Variants in MAST4 observed in about 807,000 individuals in gnomAD.
The protein encoded by MAST4 is microtubule-associated serine/threonine-protein kinase 4.
MAST4 carries 89 observed loss-of-function variants against 162.7 expected under a neutral mutation model. The ratio of observed to expected loss-of-function variants is 0.55; its 90% CI spans 0.46 to 0.65. The LOEUF is 0.65. MAST4 is among the 30% of genes least tolerant of loss of function. MAST4 has a pLI of 0.00. For missense variants in MAST4, 3,153 were observed against 3,374.0 expected, an observed-to-expected ratio of 0.93 and a Z score of 1.62; for synonymous variants, 1,479 against 1,361.1, an observed-to-expected ratio of 1.09 and a Z score of -1.91.
intron 3 of MAST4, among the ~76,000 whole-genome samples, chr5:66,873,643 G>C (rs2149880845): frequency 6.6e-6 from 1 of 152,230 alleles, no homozygotes; most frequent in Non-Finnish European, 1.5e-5. Context: ...TGTGGACTTG[G>C]GTGATCATTT....
chr5:66,923,617 G>A (rs939777869), intron 4 of MAST4, among the ~76,000 whole-genome samples: 1 of 152,074 alleles, frequency 6.6e-6, no homozygotes, highest in Non-Finnish European at 1.5e-5. Flanking sequence ...GTAACCCCCA[G>A]GTTCCATTGT....
chr5:67,006,826 G>A (rs1190386523), intron 4 of MAST4, among the ~76,000 whole-genome samples: 1 of 152,160 alleles, frequency 6.6e-6, no homozygotes. Flanking sequence ...AAGGAAACCT[G>A]AATTCTTCCC....
At chr5:67,036,287 A>C (rs959550454) in intron 4 of MAST4, among the ~76,000 whole-genome samples, 2 of 151,622 alleles carry the variant, frequency 1.3e-5, no homozygotes, top group Non-Finnish European at 2.9e-5. Flanking sequence ...ATTTAAAAGG[A>C]CATCAGCTTT....
At chr5:67,017,680 T>G (rs1342963463) in intron 4 of MAST4, among the ~76,000 whole-genome samples, 1 of 151,250 alleles carries the variant, frequency 6.6e-6, no homozygotes, top group Non-Finnish European at 1.5e-5. Context: ...CTCAGCTCAG[T>G]GCAACCTCTG....
rs755738339 is a variant in MAST4, at chr5:67,104,449, G to A, written c.1230G>A (p.Val410=). ...ACGTTCTACCCTTAGCAGATGGAGTGCTTAGTTTCACTCACCACCAGATTA... is the reference window on the plus strand; with the variant it reads ...ACGTTCTACCCTTAGCAGATGGAGTACTTAGTTTCACTCACCACCAGATTA... ...PDNVLPLADG[V]LSFTHHQIIE... The change falls in exon 10 of 29, where the codon GTG becomes GTA. Residue 410 remains valine (V), a synonymous_variant. Transcript: ENST00000403625. The A allele has an allele frequency of 6.2e-7, 1 of 1,613,884 alleles. No homozygotes were observed. Among genetic ancestry groups the A allele is most frequent in the Non-Finnish European group, 8.5e-7 (1 of 1,179,828 alleles).
rs182985460 is a variant in MAST4 at position 67,153,713 on chromosome 5, A to G, written c.3648+133A>G. On this transcript the variant is annotated intron_variant, in intron 26 of 28. Coordinates refer to ENST00000403625, the MANE Select transcript of MAST4 (RefSeq NM_001164664.2). The stretch of plus-strand genomic sequence containing the variant: ...AAGTATTCATTAGTCTCAAGTTTAA[A>G]GACAAAGATATTATGAATTCTCTGG... 1.2e-4 allele frequency: 104 copies of G among 854,430 alleles called. 1 individual carries two copies. In the Admixed American group the frequency reaches 3.6e-3, roughly 29 times the overall value. 52.9% of individuals were successfully genotyped at this position (854,430 alleles called of 1,614,324 possible).
chr5:67,058,281 A>G (rs1436323982), intron 5 of MAST4, among the ~76,000 whole-genome samples: 1 of 152,206 alleles, frequency 6.6e-6, no homozygotes, highest in East Asian at 1.9e-4. Flanking sequence ...ATTCAGTGAT[A>G]GCAAAGATAT....
intron 3 of MAST4, among the ~76,000 whole-genome samples, chr5:66,819,088 C>G (rs112235020): frequency 6.6e-6 from 1 of 152,160 alleles, no homozygotes; most frequent in African/African-American, 2.4e-5. Flanking sequence ...GAGCACTTCT[C>G]TTTCAACTGT....
At chr5:67,052,455 T>C (rs1032805536) in intron 4 of MAST4, among the ~76,000 whole-genome samples, 1 of 152,144 alleles carries the variant, frequency 6.6e-6, no homozygotes, top group Admixed American at 6.5e-5. Context: ...GTTCATGTTT[T>C]CATTTTTTAA....
At position 66,900,139 on chromosome 5, in the gene MAST4, A is replaced by G. The variant is rs562344935; in HGVS notation, c.674+157A>G. ...TATTTATAAAAGTCAAACAGTAGTA[A>G]TGATTTCATAATTTCCAGGGTTTGT... On this transcript the variant is annotated intron_variant, in intron 4 of 28. Coordinates refer to ENST00000403625, the MANE Select transcript of MAST4 (RefSeq NM_001164664.2). Among the ~76,000 whole-genome samples, 3 of 152,244 alleles carry G rather than the reference A, an allele frequency of 2.0e-5. No individual in the cohort carries two copies. In the East Asian group the frequency reaches 5.8e-4, roughly 29 times the overall value.
chr5:67,030,617 G>A (rs1042243952), intron 4 of MAST4, among the ~76,000 whole-genome samples: 13 of 152,166 alleles, frequency 8.5e-5, no homozygotes, highest in Non-Finnish European at 1.8e-4. Context: ...TATTAGTAAT[G>A]AGGTTGTGGT....
chr5:66,786,104 A>AG (rs1175726840), intron 2 of MAST4, among the ~76,000 whole-genome samples: 2 of 152,146 alleles, frequency 1.3e-5, no homozygotes, highest in African/African-American at 4.8e-5. Flanking sequence ...CTTAGGCTCG[A>AG]GGGATCCGCT....
At chr5:66,900,903 T>C (rs1382043194) in intron 4 of MAST4, among the ~76,000 whole-genome samples, 3 of 152,158 alleles carry the variant, frequency 2.0e-5, no homozygotes, top group African/African-American at 7.2e-5. Flanking sequence ...TTGCTTCCTG[T>C]CTTTTGTACA....
At chr5:66,800,599 A>C (rs139465597) in intron 3 of MAST4, among the ~76,000 whole-genome samples, 7,365 of 152,090 alleles carry the variant, frequency 0.048, 266 homozygotes, top group South Asian at 0.13. Context: ...GGGTACTGGG[A>C]TTAATACCTG....
chr5:66,715,555 G>A (rs1456111188), intron 1 of MAST4, among the ~76,000 whole-genome samples: 2 of 150,664 alleles, frequency 1.3e-5, no homozygotes, highest in Admixed American at 6.6e-5. Flanking sequence ...AGCATTAGGA[G>A]ATATACCTAA....
intron 1 of MAST4, among the ~76,000 whole-genome samples, chr5:66,740,315 A>T (rs1421074116): frequency 6.6e-6 from 1 of 152,234 alleles, no homozygotes; most frequent in African/African-American, 2.4e-5. Flanking sequence ...ACATTGGCTG[A>T]TGATTGATCT....
chr5:67,166,151 T>G lies in MAST4; in HGVS notation c.6972T>G (p.Gly2324=). Residue 2324 remains glycine (G), a synonymous_variant, in exon 29 of 29, where the codon GGT becomes GGG. Coordinates refer to ENST00000403625, the MANE Select transcript of MAST4 (RefSeq NM_001164664.2). ...CGGACCAGAAACTGTCCGCTGTTGG[T>G]GAAAAGCAAACCCTGTCTCCAAAGC... is the stretch of plus-strand genomic sequence containing the variant. ...EPADQKLSAV[G]EKQTLSPKHP... The G allele has an allele frequency of 1.3e-6, 2 of 1,575,594 alleles. No homozygotes were observed. Among genetic ancestry groups the G allele is most frequent in the Non-Finnish European group, 1.7e-6 (2 of 1,160,020 alleles).
chr5:67,056,270 T>G (rs1758808294), intron 5 of MAST4, among the ~76,000 whole-genome samples: 2 of 152,058 alleles, frequency 1.3e-5, no homozygotes, highest in African/African-American at 4.8e-5. Flanking sequence ...CCATTTCTGT[T>G]TGTGAGATTG....
At chr5:66,637,687 T>C (rs1266254188) in intron 1 of MAST4, among the ~76,000 whole-genome samples, 1 of 152,130 alleles carries the variant, frequency 6.6e-6, no homozygotes, top group East Asian at 1.9e-4. Flanking sequence ...AGATAGAAAG[T>C]TTTGATATAT....
Sources: allele counts gnomAD v4.1 joint callset (sites outside exome capture counted in the v4.1 genomes callset), GRCh38; gene constraint gnomAD v4.1.1; transcripts MANE v1.5; gene names NCBI Gene and HGNC (gene_info 2026-07-23, HGNC 2026-07-21).